Variants in SUGCT observed in about 807,000 individuals in gnomAD.
The protein encoded by SUGCT is succinyl-CoA:glutarate CoA-transferase.
A neutral mutation model predicts 55.0 loss-of-function variants in SUGCT; 41 were observed. That is an observed-to-expected ratio of 0.74 (90% confidence interval 0.58 to 0.97). The LOEUF (loss-of-function observed/expected upper bound fraction) is 0.97, where lower values mean the gene tolerates loss of function less well. Among genes scored for constraint, SUGCT ranks in the 50% least tolerant of loss-of-function variants. The pLI is 0.00. For missense variants in SUGCT, 568 were observed against 547.8 expected (o/e 1.04, Z -0.37); for synonymous variants, 187 against 200.4 (o/e 0.93, Z 0.56).
intron 6 of SUGCT, among the ~76,000 whole-genome samples, chr7:40,226,529 A>G (rs964937835): frequency 6.6e-6 from 1 of 152,162 alleles, no homozygotes; most frequent in Non-Finnish European, 1.5e-5. Flanking sequence ...TTGTTTCTGA[A>G]TTAACTCTAT....
At chr7:40,575,685 C>G (rs1796703416) in intron 12 of SUGCT, among the ~76,000 whole-genome samples, 1 of 151,990 alleles carries the variant, frequency 6.6e-6, no homozygotes, top group Non-Finnish European at 1.5e-5. Flanking sequence ...GTGGCTCATG[C>G]CTGTAATCCC....
At chr7:40,652,453 C>A (rs1267448584) in intron 12 of SUGCT, among the ~76,000 whole-genome samples, 1 of 152,154 alleles carries the variant, frequency 6.6e-6, no homozygotes, top group East Asian at 1.9e-4. Flanking sequence ...ATCTTCAAAG[C>A]TGTACTATTC....
intron 13 of SUGCT, among the ~76,000 whole-genome samples, chr7:40,812,141 T>C (rs1326028392): frequency 6.6e-6 from 1 of 152,182 alleles, no homozygotes; most frequent in African/African-American, 2.4e-5. Flanking sequence ...TTTTTTTGTG[T>C]CCTGTTGGAT....
chr7:40,482,929 T>C (rs1791135278), intron 11 of SUGCT, among the ~76,000 whole-genome samples: 2 of 152,166 alleles, frequency 1.3e-5, no homozygotes, highest in Admixed American at 1.3e-4. Context: ...GGACTCTTAC[T>C]CCATCTTTTG....
intron 2 of SUGCT, 34 bp from the exon 3 acceptor site, chr7:40,181,921 G>A: frequency 7.9e-7 from 1 of 1,259,698 alleles, no homozygotes; most frequent in Non-Finnish European, 1.1e-6. Flanking sequence ...TTTCAAGATG[G>A]TAATTAATTT....
At chr7:40,674,929 T>C (rs942851614) in intron 12 of SUGCT, among the ~76,000 whole-genome samples, 9 of 152,110 alleles carry the variant, frequency 5.9e-5, no homozygotes, top group African/African-American at 2.2e-4. Context: ...AAGTTTTTGA[T>C]TGAACCTAGT....
chr7:41,024,817 A>G, the SUGCT span, among the ~76,000 whole-genome samples: 2,387 of 152,284 alleles, frequency 0.016, 65 homozygotes, highest in African/African-American at 0.054. Context: ...CAGACCCTAC[A>G]ACCTGGGTAC....
intron 13 of SUGCT, among the ~76,000 whole-genome samples, chr7:40,797,303 G>T (rs948680314): frequency 1.3e-5 from 2 of 152,062 alleles, no homozygotes; most frequent in African/African-American, 4.8e-5. Flanking sequence ...TGCATATTGG[G>T]ATGTCCTTAT....
chr7:40,570,992 T>G (rs1456236955), intron 12 of SUGCT, among the ~76,000 whole-genome samples: 1 of 151,400 alleles, frequency 6.6e-6, no homozygotes, highest in East Asian at 2.0e-4. Flanking sequence ...CCCGAGTAGC[T>G]GAGATTACAG....
At chr7:40,444,764 A>T (rs1788717845) in intron 9 of SUGCT, among the ~76,000 whole-genome samples, 1 of 152,122 alleles carries the variant, frequency 6.6e-6, no homozygotes, top group Non-Finnish European at 1.5e-5. Context: ...CACTATGTTG[A>T]ATAGGAGTGG....
At chr7:40,398,184 C>T (rs1262789073) in intron 9 of SUGCT, among the ~76,000 whole-genome samples, 8 of 152,148 alleles carry the variant, frequency 5.3e-5, no homozygotes, top group Admixed American at 1.3e-4. Flanking sequence ...CTCCGCCTCC[C>T]GGGTTCAAGC....
At chr7:40,389,656 A>G (rs989502538) in intron 9 of SUGCT, among the ~76,000 whole-genome samples, 11 of 152,168 alleles carry the variant, frequency 7.2e-5, no homozygotes, top group Non-Finnish European at 7.4e-5. Context: ...TCTATTTCAC[A>G]TATGAAGGGA....
At chr7:40,588,124 AC>A (rs1173431826) in intron 12 of SUGCT, among the ~76,000 whole-genome samples, 2 of 151,534 alleles carry the variant, frequency 1.3e-5, no homozygotes, top group Admixed American at 1.3e-4. Context: ...CTGGTCTCAA[AC>A]TCCTGACCTC....
intron 13 of SUGCT, among the ~76,000 whole-genome samples, chr7:40,755,556 A>AC (rs1169187375): frequency 3.9e-5 from 6 of 152,102 alleles, no homozygotes; most frequent in African/African-American, 1.4e-4. Flanking sequence ...TTGCAATCAC[A>AC]CCGGTCTTTG....
chr7:40,794,933 C>T (rs1373555786), intron 13 of SUGCT, among the ~76,000 whole-genome samples: 2 of 152,088 alleles, frequency 1.3e-5, no homozygotes, highest in South Asian at 2.1e-4. Context: ...TCAGATAATA[C>T]AAGAATTTAT....
chr7:40,400,674 T>C (rs995033628), intron 9 of SUGCT, among the ~76,000 whole-genome samples: 12 of 152,194 alleles, frequency 7.9e-5, no homozygotes, highest in African/African-American at 4.8e-5. Flanking sequence ...TGGCATTTGG[T>C]GAGAATCTAA....
chr7:40,527,928 T>G (rs1583902757), intron 12 of SUGCT, among the ~76,000 whole-genome samples: 1 of 152,310 alleles, frequency 6.6e-6, no homozygotes, highest in Non-Finnish European at 1.5e-5. Flanking sequence ...GTTTTTTTCT[T>G]TTTACATTTT....
At chr7:40,344,641 A>G (rs962793727) in intron 9 of SUGCT, among the ~76,000 whole-genome samples, 3 of 152,196 alleles carry the variant, frequency 2.0e-5, no homozygotes, top group African/African-American at 4.8e-5. Flanking sequence ...AAAGCTGAAC[A>G]TATTTATCAT....
chr7:40,376,666 A>G (rs1784561793), intron 9 of SUGCT, among the ~76,000 whole-genome samples: 1 of 152,100 alleles, frequency 6.6e-6, no homozygotes, highest in Non-Finnish European at 1.5e-5. Flanking sequence ...TGCTGGGATT[A>G]CAGGCGTGAG....
Sources: gnomAD v4.1 joint callset for allele counts (sites outside exome capture counted in the v4.1 genomes callset) on GRCh38, gnomAD v4.1.1 for gene constraint, MANE v1.5 for transcripts, NCBI Gene and HGNC (gene_info 2026-07-23, HGNC 2026-07-21) for gene names.